Variants in NEB observed in about 807,000 individuals in gnomAD.
NEB encodes the protein nemaline myopathy type 2.
A neutral mutation model predicts 952.2 loss-of-function variants in NEB; 512 were observed. The observed-to-expected ratio is 0.54, with a 90% CI of 0.50 to 0.58. The LOEUF is 0.58. Ranked by LOEUF, NEB falls within the 20% of genes least tolerant of loss-of-function variation. The probability of loss-of-function intolerance (pLI) is 0.00; values close to 1 mark genes in which losing one functional copy is unlikely to be tolerated. For missense variants in NEB, 8,428 were observed against 9,231.1 expected (o/e 0.91, Z 3.56); for synonymous variants, 2,900 against 3,149.8 (o/e 0.92, Z 2.66).
intron 177 of NEB, 27 bp from the exon 178 acceptor site, chr2:151,492,308 A>C: frequency 6.2e-7 from 1 of 1,604,174 alleles, no homozygotes; most frequent in Non-Finnish European, 8.5e-7. Context: ...TTGCTTTATG[A>C]AAATATGATG....
At position 151,560,985 on chromosome 2, in the gene NEB, GA is replaced by G. The variant is rs761735803; in HGVS notation, c.19206+18del. 3.5e-5 allele frequency: 52 copies of G among 1,496,744 alleles called. No individual in the cohort carries two copies. Among genetic ancestry groups the G allele is most frequent in the African/African-American group, 8.3e-5 (6 of 71,990 alleles). 92.7% of individuals were successfully genotyped at this position (1,496,744 alleles called of 1,614,324 possible). A position where few individuals can be genotyped will look rare whatever the true frequency, so the allele number is the denominator to read the frequency against. ...GGAAAGGTGGCTCATATATAAGGGG[GA>G]AAAAAAACTCAACTCACACTGCTGT... On this transcript the variant is annotated intron_variant, in intron 123 of 181. Coordinates refer to ENST00000397345, the MANE Select transcript of NEB (RefSeq NM_001164508.2).
chr2:151,497,932 A>AGAG, intron 170 of NEB: 1 of 1,454,344 alleles, frequency 6.9e-7, no homozygotes, highest in Admixed American at 2.9e-5. Flanking sequence ...AAGGGCTGTC[A>AGAG]GAGTTATCCA....
At chr2:151,560,918 A>G (rs981754904) in intron 123 of NEB, 86 bp downstream of exon 123, 1 of 844,852 alleles carries the variant, frequency 1.2e-6, no homozygotes. Context: ...CCTTTAGGGA[A>G]AGAGTGTCCA....
intron 6 of NEB, 80 bp from the exon 7 acceptor site, chr2:151,725,041 G>C (rs1383128707): frequency 1.3e-5 from 14 of 1,052,204 alleles, no homozygotes; most frequent in African/African-American, 3.1e-5. Flanking sequence ...TAACCACAGA[G>C]CATTACCCCA....
At chr2:151,506,061 T>C in intron 164 of NEB, 105 bp downstream of exon 164, 2 of 969,078 alleles carry the variant, frequency 2.1e-6, no homozygotes, top group Non-Finnish European at 3.4e-6. Context: ...ATTTTAGCAA[T>C]ATAAGCTGTT....
chr2:151,535,675 G>A lies in NEB; in HGVS notation c.21312+16C>T. The A allele has an allele frequency of 6.5e-7, 1 of 1,536,110 alleles. No homozygotes were observed. Among genetic ancestry groups the A allele is most frequent in the Non-Finnish European group, 9.0e-7 (1 of 1,117,192 alleles). On this transcript the variant is annotated intron_variant, in intron 142 of 181. Transcript: ENST00000397345. ...GAATTGAATAGGCTTAATTGGAGCA[G>A]TTTATTCATACATACCTCATTCATC...
intron 78 of NEB, 83 bp from the exon 79 acceptor site, chr2:151,610,949 G>T: frequency 1.2e-6 from 1 of 842,312 alleles, no homozygotes; most frequent in Non-Finnish European, 1.8e-6. Flanking sequence ...CATTACAGTT[G>T]TTAGCAAATT....
In NEB at chr2:151,645,905, A is replaced by G. The variant is rs1343841270; in HGVS notation, c.7536+225T>C. Reference sequence around the variant, plus strand: ...GCCACCTTATGATGATATGTATAACAACGGACTGCAAGGAACAGAGAATAC... The same window carrying G: ...GCCACCTTATGATGATATGTATAACGACGGACTGCAAGGAACAGAGAATAC... On this transcript the variant is annotated intron_variant, in intron 55 of 181. Transcript: ENST00000397345. Among the ~76,000 whole-genome samples, 4 of 152,332 alleles carry G rather than the reference A, an allele frequency of 2.6e-5. No individual in the cohort carries two copies. In the East Asian group the frequency reaches 7.7e-4, roughly 29 times the overall value.
intron 23 of NEB, 109 bp downstream of exon 23, chr2:151,691,755 T>A: frequency 1.2e-6 from 1 of 867,940 alleles, no homozygotes; most frequent in Non-Finnish European, 1.9e-6. Context: ...AAAATGTAAT[T>A]ATCTCCTTCT....
rs545091147 is a variant in NEB, at chr2:151,692,303, G to A, written c.1956C>T (p.Thr652=). 4 of 1,613,618 alleles carry A rather than the reference G, an allele frequency of 2.5e-6. No homozygotes were observed. In the South Asian group the frequency reaches 3.3e-5, roughly 13 times the overall value. ...GCTGAGTATCAAGTTGATATTTTGG[G>A]GTCTCACAGTAATTCATACTCTTTG... is the stretch of plus-strand genomic sequence containing the variant. ...TKAKSMNYCE[T]PKYQLDTQLK... The change falls in exon 21 of 182, where the codon ACC becomes ACT. Residue 652 remains threonine (T), a synonymous_variant. Coordinates refer to ENST00000397345, the MANE Select transcript of NEB (RefSeq NM_001164508.2).
intron 37 of NEB, among the ~76,000 whole-genome samples, chr2:151,672,098 G>C (rs1285779550): frequency 6.6e-6 from 1 of 152,018 alleles, no homozygotes; most frequent in Non-Finnish European, 1.5e-5. Context: ...ATCTCCTCTT[G>C]CTGTGAATCA....
intron 25 of NEB, 142 bp downstream of exon 25, chr2:151,688,150 T>C: frequency 1.5e-6 from 1 of 650,530 alleles, no homozygotes; most frequent in Admixed American, 2.9e-5. Context: ...CTTAAGAGCA[T>C]TTTGGCCTTA....
chr2:151,652,096 T>C (rs2099036790), intron 52 of NEB, among the ~76,000 whole-genome samples: 1 of 152,196 alleles, frequency 6.6e-6, no homozygotes, highest in Non-Finnish European at 1.5e-5. Context: ...GGCTGCTTTG[T>C]GGTGTTGTAG....
intron 60 of NEB, among the ~76,000 whole-genome samples, chr2:151,640,896 T>C (rs137862068): frequency 1.3e-3 from 193 of 152,092 alleles, no homozygotes; most frequent in African/African-American, 4.2e-3. Context: ...AATACATTCT[T>C]TAATGTGAAA....
In NEB at chr2:151,538,026, T is replaced by G. The variant is rs759796399; in HGVS notation, c.20998-50A>C. The stretch of plus-strand genomic sequence containing the variant: ...CTGTAAGTCTTACCCAAAGTTAATG[T>G]AAATATGGCTTCTTTCTGGAGAATT... On this transcript the variant is annotated intron_variant, in intron 139 of 181. Transcript: ENST00000397345. 3.2e-6 allele frequency: 5 copies of G among 1,538,516 alleles called. No homozygotes were observed. The South Asian group carries it at 5.7e-5, about 17-fold the overall frequency.
At position 151,614,368 on chromosome 2, in the gene NEB, T is replaced by C; in HGVS notation, c.11509A>G (p.Ile3837Val). The part of the protein sequence containing the change: ...AKKCQILVSD[I>V]DYKHPLHEWT... ...TCATGCAGGGGATGCTTGTAGTCTA[T>C]GTCGCTTACAAGGATCTGACACTTC... The change falls in exon 77 of 182, where the codon ATA becomes GTA. Residue 3837 changes from isoleucine (I) to valine (V), a missense_variant. Around this residue, in one of 11 missense-constraint regions of NEB, gnomAD observed 1,772 missense variants for 1,960.3 expected, o/e 0.90. Transcript: ENST00000397345. 6.2e-7 allele frequency: 1 copy of C among 1,613,952 alleles called. No individual in the cohort carries two copies. Among genetic ancestry groups the C allele is most frequent in the Non-Finnish European group, 8.5e-7 (1 of 1,179,848 alleles).
chr2:151,610,583 T>C lies in NEB; in HGVS notation c.11951A>G (p.Asp3984Gly). 1 of 1,613,796 alleles carries C rather than the reference T, an allele frequency of 6.2e-7. No homozygotes were observed. Among genetic ancestry groups the C allele is most frequent in the Non-Finnish European group, 8.5e-7 (1 of 1,179,674 alleles). The change falls in exon 80 of 182, where the codon GAC becomes GGC. Residue 3984 changes from aspartate (D) to glycine (G), a missense_variant. Around this residue, in one of 11 missense-constraint regions of NEB, gnomAD observed 337 missense variants for 297.5 expected, o/e 1.13. Coordinates refer to ENST00000397345, the MANE Select transcript of NEB (RefSeq NM_001164508.2). Reference sequence around the variant, plus strand: ...AATAGCATCTGCTCTCAGATCATAGTCCTTCATCTTTGATTCATCCCATCC... The same window carrying C: ...AATAGCATCTGCTCTCAGATCATAGCCCTTCATCTTTGATTCATCCCATCC... The part of the protein sequence containing the change: ...TKGWDESKMK[D>G]YDLRADAISI...
Position 151,506,962 on chromosome 2 carries a change from GAAC to G in NEB, c.23500_23502del (p.Val7834del), listed in dbSNP as rs1553601408. The stretch of plus-strand genomic sequence containing the variant: ...ACACGCAGTATTTCTGGCGTGTCTT[GAAC>G]AACTGTAATTTTTCCTTTACTGTTT... On this transcript the variant is annotated inframe_deletion, in exon 163 of 182. Coordinates refer to ENST00000397345, the MANE Select transcript of NEB (RefSeq NM_001164508.2). 3 of 1,611,568 alleles carry G rather than the reference GAAC, an allele frequency of 1.9e-6. No individual in the cohort carries two copies. The highest frequency in any genetic ancestry group is 2.5e-6 in the Non-Finnish European group (3 of 1,178,516).
chr2:151,526,865 T>C (rs2086446495), intron 148 of NEB, 53 bp downstream of exon 148: 9 of 1,255,290 alleles, frequency 7.2e-6, no homozygotes, highest in South Asian at 1.3e-5. Flanking sequence ...GACTGTACCA[T>C]GGAAGATGGC....
Sources: gnomAD v4.1 joint callset for allele counts (sites outside exome capture counted in the v4.1 genomes callset) on GRCh38, gnomAD v4.1.1 for gene constraint, gnomAD v4.1.1 regional missense constraint, MANE v1.5 for transcripts, NCBI Gene and HGNC (gene_info 2026-07-23, HGNC 2026-07-21) for gene names.